NALF1: variants seen among roughly 807,000 people sequenced by gnomAD.
NALF1 encodes NALCN channel auxiliary factor 1.
Under a neutral mutation model 48.4 loss-of-function variants are expected in NALF1, and 3 were observed. That is an observed-to-expected ratio of 0.06 (90% CI 0.03 to 0.16). NALF1 has a LOEUF of 0.16. Among genes scored for constraint, NALF1 ranks in the 10% least tolerant of loss-of-function variants. The pLI, the probability that NALF1 is intolerant of heterozygous loss-of-function variation, is 1.00. For synonymous variants in NALF1, 262 were observed against 245.7 expected, an observed-to-expected ratio of 1.07 and a Z score of -0.62; for missense variants, 526 against 571.5, an observed-to-expected ratio of 0.92 and a Z score of 0.81.
chr13:107,826,683 A>G (rs1011007254), intron 1 of NALF1, among the ~76,000 whole-genome samples: 2 of 152,250 alleles, frequency 1.3e-5, no homozygotes, highest in Admixed American at 6.5e-5. Flanking sequence ...ACCAGTGGAG[A>G]AGACCACAGT....
At chr13:107,255,486 C>G (rs538098638) in intron 1 of NALF1, among the ~76,000 whole-genome samples, 1 of 152,236 alleles carries the variant, frequency 6.6e-6, no homozygotes, top group South Asian at 2.1e-4. Flanking sequence ...TACAGAGTAA[C>G]ATTCACAACC....
intron 1 of NALF1, among the ~76,000 whole-genome samples, chr13:107,806,046 C>G (rs1258851756): frequency 1.3e-5 from 2 of 152,124 alleles, no homozygotes; most frequent in Non-Finnish European, 2.9e-5. Context: ...GATTCAGAAA[C>G]CTCATCCCTT....
At chr13:107,681,148 C>A (rs1881291367) in intron 1 of NALF1, among the ~76,000 whole-genome samples, 1 of 152,078 alleles carries the variant, frequency 6.6e-6, no homozygotes, top group South Asian at 2.1e-4. Context: ...GGGCAAAATA[C>A]CCGGCCATAC....
chr13:107,364,727 T>C (rs1014471839), intron 1 of NALF1, among the ~76,000 whole-genome samples: 1 of 152,168 alleles, frequency 6.6e-6, no homozygotes, highest in Non-Finnish European at 1.5e-5. Context: ...TTAAAGGATC[T>C]TCACTGTAAT....
chr13:107,200,394 T>C (rs1205590644), intron 2 of NALF1, among the ~76,000 whole-genome samples: 1 of 152,008 alleles, frequency 6.6e-6, no homozygotes, highest in East Asian at 1.9e-4. Context: ...ACAGGTCAAA[T>C]CAAGCCAGGT....
intron 1 of NALF1, among the ~76,000 whole-genome samples, chr13:107,818,047 T>C (rs114605995): frequency 0.015 from 2,281 of 152,298 alleles, 57 homozygotes; most frequent in African/African-American, 0.052. Flanking sequence ...TCCCTATCCT[T>C]CTTGAATTCT....
chr13:107,622,482 A>C (rs1238887793), intron 1 of NALF1, among the ~76,000 whole-genome samples: 2 of 141,382 alleles, frequency 1.4e-5, no homozygotes, highest in Non-Finnish European at 3.2e-5. Flanking sequence ...AAAAAAAAAA[A>C]AACAGAGAGA....
At chr13:107,317,404 T>A (rs903207504) in intron 1 of NALF1, among the ~76,000 whole-genome samples, 1 of 152,110 alleles carries the variant, frequency 6.6e-6, no homozygotes, top group African/African-American at 2.4e-5. Flanking sequence ...TATTGACTTT[T>A]ATCCATTTTG....
At chr13:107,748,926 A>G (rs376680520) in intron 1 of NALF1, among the ~76,000 whole-genome samples, 14 of 152,290 alleles carry the variant, frequency 9.2e-5, no homozygotes, top group African/African-American at 2.9e-4. Context: ...CTGAGAACAC[A>G]CACAATACAC....
intron 1 of NALF1, among the ~76,000 whole-genome samples, chr13:107,567,837 T>C (rs905698716): frequency 3.9e-5 from 6 of 152,238 alleles, no homozygotes; most frequent in African/African-American, 1.4e-4. Flanking sequence ...TCTCTGTGAT[T>C]ATGTTAGTTC....
At chr13:107,559,714 A>G (rs1447792737) in intron 1 of NALF1, among the ~76,000 whole-genome samples, 1 of 152,170 alleles carries the variant, frequency 6.6e-6, no homozygotes, top group African/African-American at 2.4e-5. Flanking sequence ...TTGCAACAAC[A>G]GCAAAAGCTT....
intron 1 of NALF1, among the ~76,000 whole-genome samples, chr13:107,545,160 A>G (rs1007372955): frequency 3.9e-5 from 6 of 152,196 alleles, no homozygotes; most frequent in African/African-American, 1.4e-4. Flanking sequence ...AATCCCATAT[A>G]AAGAGCATTC....
rs182542671 is a variant in NALF1, at chr13:107,352,456, C to T, written c.916-141701G>A. On this transcript the variant is annotated intron_variant, in intron 1 of 2. Coordinates refer to ENST00000375915, the MANE Select transcript of NALF1 (RefSeq NM_001080396.3). ...GGCTCAGTGGCTTAAATCACAAACA[C>T]CATTTCTCACAGTTCTGGAGGCTGA... Among the ~76,000 whole-genome samples, 192 of 152,212 alleles carry T rather than the reference C, an allele frequency of 1.3e-3. 5 individuals carry two copies. Among genetic ancestry groups the T allele is most frequent in the Non-Finnish European group, 3.1e-4 (21 of 68,010 alleles).
At chr13:107,504,980 C>A (rs372543317) in intron 1 of NALF1, among the ~76,000 whole-genome samples, 3 of 152,296 alleles carry the variant, frequency 2.0e-5, no homozygotes, top group South Asian at 4.1e-4. Flanking sequence ...CTTCAGAGAG[C>A]TTTTGCTCTA....
intron 1 of NALF1, among the ~76,000 whole-genome samples, chr13:107,248,178 G>A: frequency 6.6e-6 from 1 of 152,002 alleles, no homozygotes; most frequent in East Asian, 1.9e-4. Context: ...GAAGACAATA[G>A]AATGTGAGTT....
chr13:107,268,248 A>C (rs180680661), intron 1 of NALF1, among the ~76,000 whole-genome samples: 7 of 152,116 alleles, frequency 4.6e-5, no homozygotes, highest in Admixed American at 3.9e-4. Flanking sequence ...TCGGCCTCCC[A>C]AAGTGCCAGG....
intron 1 of NALF1, among the ~76,000 whole-genome samples, chr13:107,491,639 A>C (rs745719887): frequency 6.6e-6 from 1 of 152,126 alleles, no homozygotes; most frequent in Non-Finnish European, 1.5e-5. Context: ...CCACATCAGA[A>C]ACTACTGTTA....
chr13:107,180,443 G>C (rs1879037680), intron 2 of NALF1, among the ~76,000 whole-genome samples: 2 of 151,844 alleles, frequency 1.3e-5, no homozygotes, highest in South Asian at 4.1e-4. Context: ...TTTACATTTT[G>C]ACATAGAGTC....
At chr13:107,836,517 T>C (rs1879892863) in intron 1 of NALF1, among the ~76,000 whole-genome samples, 2 of 152,072 alleles carry the variant, frequency 1.3e-5, no homozygotes, top group Admixed American at 1.3e-4. Context: ...AAAAAATGGA[T>C]TAGCCCTTCT....
Sources: allele counts gnomAD v4.1 joint callset (sites outside exome capture counted in the v4.1 genomes callset), GRCh38; gene constraint gnomAD v4.1.1; transcripts MANE v1.5; gene names NCBI Gene and HGNC (gene_info 2026-07-23, HGNC 2026-07-21).